Variants in LRRC4C observed in about 807,000 individuals in gnomAD.
The protein encoded by LRRC4C is leucine rich repeat containing 4C.
In LRRC4C, 5 loss-of-function variants were observed where a neutral mutation model predicts 33.6. That is an observed-to-expected ratio of 0.15 (90% confidence interval 0.08 to 0.31). The LOEUF (loss-of-function observed/expected upper bound fraction) is 0.31. Among genes scored for constraint, LRRC4C ranks in the 10% least tolerant of loss-of-function variants. The pLI is 1.00. For missense variants in LRRC4C, 560 were observed against 796.7 expected, an observed-to-expected ratio of 0.70 and a Z score of 3.58; for synonymous variants, 329 against 302.0, an observed-to-expected ratio of 1.09 and a Z score of -0.93.
intron 5 of LRRC4C, among the ~76,000 whole-genome samples, chr11:40,192,084 T>A (rs2135620392): frequency 6.6e-6 from 1 of 152,304 alleles, no homozygotes; most frequent in South Asian, 2.1e-4. Context: ...TAGACATTGA[T>A]ATGATTGATC....
intron 5 of LRRC4C, among the ~76,000 whole-genome samples, chr11:40,220,112 T>C (rs1020524001): frequency 7.9e-5 from 12 of 152,208 alleles, no homozygotes; most frequent in African/African-American, 2.9e-4. Context: ...TTATCCTCAG[T>C]TGTATTTCAC....
At chr11:41,019,739 T>A (rs988827171) in intron 1 of LRRC4C, among the ~76,000 whole-genome samples, 30 of 152,208 alleles carry the variant, frequency 2.0e-4, no homozygotes, top group Non-Finnish European at 3.5e-4. Flanking sequence ...GGTATCTCAC[T>A]GTGGTTTTGA....
At chr11:41,374,098 C>A (rs1057508366) in intron 1 of LRRC4C, among the ~76,000 whole-genome samples, 1 of 152,134 alleles carries the variant, frequency 6.6e-6, no homozygotes, top group Non-Finnish European at 1.5e-5. Context: ...TTGATGACTT[C>A]CCCCAAACTT....
At chr11:41,343,816 T>C (rs1183911360) in intron 1 of LRRC4C, among the ~76,000 whole-genome samples, 1 of 152,218 alleles carries the variant, frequency 6.6e-6, no homozygotes, top group Non-Finnish European at 1.5e-5. Context: ...TAACAAAGTA[T>C]TTAAGAAATA....
At chr11:40,379,356 T>A (rs1011126504) in intron 3 of LRRC4C, among the ~76,000 whole-genome samples, 23 of 152,168 alleles carry the variant, frequency 1.5e-4, no homozygotes, top group Admixed American at 1.3e-4. Context: ...GCAGCTGTTT[T>A]AAACCCAATT....
chr11:40,530,988 T>C (rs923258096), intron 3 of LRRC4C, among the ~76,000 whole-genome samples: 2 of 152,086 alleles, frequency 1.3e-5, no homozygotes, highest in Non-Finnish European at 2.9e-5. Flanking sequence ...CTTAATAATA[T>C]CTAGTGGATA....
chr11:40,584,113 AC>A (rs1178550528), intron 3 of LRRC4C, among the ~76,000 whole-genome samples: 1 of 145,308 alleles, frequency 6.9e-6, no homozygotes, highest in African/African-American at 2.5e-5. Flanking sequence ...GGTTTTCTCA[AC>A]CTTGGTACAA....
At chr11:40,162,645 G>A (rs990977419) in intron 5 of LRRC4C, among the ~76,000 whole-genome samples, 1 of 152,120 alleles carries the variant, frequency 6.6e-6, no homozygotes, top group Non-Finnish European at 1.5e-5. Flanking sequence ...TCATCCGCTT[G>A]TTTCCTTGTT....
At chr11:40,999,228 G>T (rs1239619807) in intron 1 of LRRC4C, among the ~76,000 whole-genome samples, 1 of 152,024 alleles carries the variant, frequency 6.6e-6, no homozygotes, top group Non-Finnish European at 1.5e-5. Flanking sequence ...TGCTGAACAG[G>T]ATTCCCTGCA....
intron 1 of LRRC4C, among the ~76,000 whole-genome samples, chr11:41,454,803 G>A (rs899797992): frequency 6.6e-6 from 1 of 151,850 alleles, no homozygotes; most frequent in African/African-American, 2.4e-5. Flanking sequence ...GATTAGTTTT[G>A]GGATTTTTAC....
chr11:40,323,980 G>T (rs992848909), intron 3 of LRRC4C, among the ~76,000 whole-genome samples: 5 of 152,154 alleles, frequency 3.3e-5, no homozygotes, highest in African/African-American at 1.2e-4. Flanking sequence ...ACTAGTCGGC[G>T]GGAAGATCCT....
rs561167553 is a variant in LRRC4C, at chr11:40,677,646, A to G, written c.-406-29368T>C. Among the ~76,000 whole-genome samples the G allele has an allele frequency of 3.9e-4, 60 of 152,286 alleles. No individual in the cohort carries two copies. In the South Asian group the frequency reaches 0.012, roughly 31 times the overall value. ...TGCTGACTCCAGAATCTGTTTTCTT[A>G]TATTTCTTAATAACGAAACTGCCAA... On this transcript the variant is annotated intron_variant, in intron 2 of 6. Coordinates refer to ENST00000528697, the MANE Select transcript of LRRC4C (RefSeq NM_001258419.2).
intron 1 of LRRC4C, among the ~76,000 whole-genome samples, chr11:40,980,330 A>T (rs1299947693): frequency 6.6e-6 from 1 of 152,218 alleles, no homozygotes; most frequent in African/African-American, 2.4e-5. Context: ...GTTGTCAAAA[A>T]ATATTTATAT....
At chr11:41,308,074 T>G (rs1720496289) in intron 1 of LRRC4C, among the ~76,000 whole-genome samples, 1 of 152,210 alleles carries the variant, frequency 6.6e-6, no homozygotes, top group South Asian at 2.1e-4. Flanking sequence ...GGAAGGAACT[T>G]TCCACAACAT....
At chr11:40,824,731 G>T (rs1952085110) in intron 2 of LRRC4C, among the ~76,000 whole-genome samples, 1 of 151,876 alleles carries the variant, frequency 6.6e-6, no homozygotes, top group Non-Finnish European at 1.5e-5. Context: ...TGTCTCCATG[G>T]GTGAGACCCA....
chr11:40,930,646 C>T (rs1407721833), intron 2 of LRRC4C, among the ~76,000 whole-genome samples: 2 of 152,156 alleles, frequency 1.3e-5, no homozygotes, highest in Non-Finnish European at 2.9e-5. Context: ...GCCTTTATGG[C>T]TCTCCCTGAA....
intron 2 of LRRC4C, among the ~76,000 whole-genome samples, chr11:40,825,786 AT>A (rs904723819): frequency 1.3e-5 from 2 of 151,808 alleles, no homozygotes; most frequent in Non-Finnish European, 1.5e-5. Context: ...GTGTTGACAC[AT>A]GTTGACTGGA....
intron 3 of LRRC4C, among the ~76,000 whole-genome samples, chr11:40,539,474 T>C (rs939826494): frequency 2.0e-5 from 3 of 152,148 alleles, no homozygotes; most frequent in Admixed American, 2.0e-4. Flanking sequence ...GTTTGTTAAA[T>C]AAGTTTGAAG....
intron 1 of LRRC4C, among the ~76,000 whole-genome samples, chr11:41,281,045 TCTCTC>T (rs1949649029): frequency 1.7e-5 from 2 of 119,224 alleles, no homozygotes; most frequent in Non-Finnish European, 3.3e-5. Flanking sequence ...ACATATTTTC[TCTCTC>T]TCTCTCTCTC....
Sources: gnomAD v4.1 joint callset for allele counts (sites outside exome capture counted in the v4.1 genomes callset) on GRCh38, gnomAD v4.1.1 for gene constraint, MANE v1.5 for transcripts, NCBI Gene and HGNC (gene_info 2026-07-23, HGNC 2026-07-21) for gene names.